Variants in ANK2 observed in about 807,000 individuals in gnomAD.
ANK2 encodes the protein ankyrin-2.
In ANK2, 83 loss-of-function variants were observed where a neutral mutation model predicts 360.5. The ratio of observed to expected loss-of-function variants is 0.23; its 90% CI spans 0.19 to 0.28. The LOEUF is 0.28. Ranked by LOEUF, ANK2 falls within the 10% of genes least tolerant of loss-of-function variation. ANK2 has a pLI of 1.00. For missense variants in ANK2, 4,201 were observed against 4,795.7 expected, an observed-to-expected ratio of 0.88 and a Z score of 3.66; for synonymous variants, 1,740 against 1,759.5, an observed-to-expected ratio of 0.99 and a Z score of 0.28.
intron 42 of ANK2, among the ~76,000 whole-genome samples, chr4:113,368,357 A>G (rs1175158962): frequency 6.6e-6 from 1 of 152,246 alleles, no homozygotes; most frequent in Non-Finnish European, 1.5e-5. Flanking sequence ...GTGCATTTCA[A>G]CCAAGCTATG....
At chr4:113,097,955 A>G (rs1315752775) in intron 1 of ANK2, among the ~76,000 whole-genome samples, 4 of 150,270 alleles carry the variant, frequency 2.7e-5, no homozygotes, top group East Asian at 2.0e-4. Context: ...TTGTGTATAT[A>G]TAAGATAAAT....
At chr4:112,920,614 T>C (rs1202704823) in intron 2 of ANK2, among the ~76,000 whole-genome samples, 8 of 152,242 alleles carry the variant, frequency 5.3e-5, no homozygotes, top group Non-Finnish European at 2.9e-5. Flanking sequence ...AATTGAACAT[T>C]AATATTTTAA....
At chr4:113,202,711 C>T (rs557772038) in intron 4 of ANK2, among the ~76,000 whole-genome samples, 10 of 152,156 alleles carry the variant, frequency 6.6e-5, no homozygotes, top group South Asian at 2.1e-4. Context: ...TACACACTTA[C>T]GGATTTTTCT....
rs142214414 is a variant in ANK2, at chr4:113,262,908, T to C, written c.1387-1989T>C. Among the ~76,000 whole-genome samples, 826 of 151,680 alleles carry C rather than the reference T, an allele frequency of 5.4e-3. 16 individuals carry two copies. The highest frequency in any genetic ancestry group is 0.019 in the African/African-American group (782 of 41,222). On this transcript the variant is annotated intron_variant, in intron 13 of 45. Transcript: ENST00000357077. ...AACTGTAGTTAGAAGATTTTAGCCT[T>C]GCCGGGCACGGTGGCTCACACCTGT...
intron 1 of ANK2, among the ~76,000 whole-genome samples, chr4:113,153,225 A>G (rs1250759056): frequency 1.3e-5 from 2 of 152,178 alleles, no homozygotes. Flanking sequence ...AAATAAACAC[A>G]TTGTGTACTT....
chr4:113,075,146 T>TA (rs2079381271), intron 1 of ANK2, among the ~76,000 whole-genome samples: 1 of 152,340 alleles, frequency 6.6e-6, no homozygotes, highest in Admixed American at 6.5e-5. Flanking sequence ...TGAGAAGCAC[T>TA]ACTTTAGCAT....
At chr4:113,370,949 A>G (rs576340371) in intron 43 of ANK2, among the ~76,000 whole-genome samples, 4 of 152,274 alleles carry the variant, frequency 2.6e-5, no homozygotes, top group Admixed American at 6.5e-5. Context: ...AGCCACAAAA[A>G]AAGTATGAGA....
At chr4:113,268,835 C>T (rs1342529502) in intron 14 of ANK2, among the ~76,000 whole-genome samples, 1 of 152,168 alleles carries the variant, frequency 6.6e-6, no homozygotes, top group Non-Finnish European at 1.5e-5. Flanking sequence ...ACCAGCTCCT[C>T]TTTGTACCTT....
At chr4:113,293,030 G>A (rs897949601) in intron 21 of ANK2, 2 of 363,100 alleles carry the variant, frequency 5.5e-6, no homozygotes, top group African/African-American at 4.2e-5. Flanking sequence ...ATATGTTACC[G>A]TGTTCCCGAT....
chr4:113,241,800 T>A (rs138064165), intron 8 of ANK2, among the ~76,000 whole-genome samples: 7 of 152,324 alleles, frequency 4.6e-5, no homozygotes, highest in African/African-American at 1.7e-4. Context: ...TTAGGTAGAT[T>A]TAAAATTTTT....
chr4:112,979,249 G>A (rs1169222586), intron 2 of ANK2, among the ~76,000 whole-genome samples: 2 of 152,174 alleles, frequency 1.3e-5, no homozygotes, highest in South Asian at 2.1e-4. Flanking sequence ...CAGGTGTGCC[G>A]GCTGCAGCAA....
chr4:113,098,409 CAATA>C (rs1403507174), intron 1 of ANK2, among the ~76,000 whole-genome samples: 1 of 151,758 alleles, frequency 6.6e-6, no homozygotes, highest in African/African-American at 2.4e-5. Context: ...ATTAAAAGAG[CAATA>C]AATAAATATT....
upstream of ANK2, among the ~76,000 whole-genome samples, chr4:113,047,582 G>A (rs1020879159): frequency 6.6e-6 from 1 of 152,108 alleles, no homozygotes; most frequent in Non-Finnish European, 1.5e-5. Context: ...AGGTGGTTGG[G>A]GAGTAGGAAA....
At chr4:113,231,794 C>T (rs960572217) in intron 4 of ANK2, among the ~76,000 whole-genome samples, 6 of 151,550 alleles carry the variant, frequency 4.0e-5, no homozygotes, top group South Asian at 2.1e-4. Flanking sequence ...AGTAGAGATG[C>T]GGTTTCACCA....
At chr4:113,017,605 A>T (rs2056981888) in intron 2 of ANK2, among the ~76,000 whole-genome samples, 1 of 152,188 alleles carries the variant, frequency 6.6e-6, no homozygotes, top group Non-Finnish European at 1.5e-5. Flanking sequence ...AACCCATATT[A>T]TTTGGGTTCC....
intron 2 of ANK2, among the ~76,000 whole-genome samples, chr4:113,011,104 T>A (rs1429331213): frequency 6.7e-6 from 1 of 148,920 alleles, no homozygotes; most frequent in Non-Finnish European, 1.5e-5. Context: ...CTGCATATTT[T>A]GGATTTAAAG....
At chr4:113,239,193 T>C (rs1563096727) in intron 7 of ANK2, among the ~76,000 whole-genome samples, 1 of 152,190 alleles carries the variant, frequency 6.6e-6, no homozygotes, top group Non-Finnish European at 1.5e-5. Context: ...ATCTTGATCA[T>C]AGATAGGGGA....
chr4:113,186,564 CTCTCTCTCTCTCTCTCTCTCTCT>C (rs1234584007), intron 2 of ANK2, among the ~76,000 whole-genome samples: 1 of 77,022 alleles, frequency 1.3e-5, no homozygotes, highest in African/African-American at 7.8e-5. Flanking sequence ...TCCCGTGTCT[CTCTCTCTCTCTCTCTCTCTCTCT>C]TCTCTCTCTC....
At chr4:113,244,827 C>T (rs1008446347) in intron 9 of ANK2, among the ~76,000 whole-genome samples, 5 of 152,140 alleles carry the variant, frequency 3.3e-5, no homozygotes, top group Admixed American at 1.3e-4. Context: ...CATGTGTTCT[C>T]ATTGTTCAAC....
Sources: gnomAD v4.1 joint callset for allele counts (sites outside exome capture counted in the v4.1 genomes callset) on GRCh38, gnomAD v4.1.1 for gene constraint, MANE v1.5 for transcripts, NCBI Gene and HGNC (gene_info 2026-07-23, HGNC 2026-07-21) for gene names.